The following GREB1L variants were observed in gnomAD, a reference collection of about 807,000 sequenced individuals.
GREB1L encodes the protein GREB1-like protein.
A neutral mutation model predicts 200.8 loss-of-function variants in GREB1L; 17 were observed. The observed-to-expected ratio is 0.08, with a 90% confidence interval of 0.06 to 0.13. GREB1L has a LOEUF of 0.13. GREB1L is among the 10% of genes least tolerant of loss of function. The pLI is 1.00. For missense variants in GREB1L, 1,657 were observed against 2,367.7 expected, an observed-to-expected ratio of 0.70 and a Z score of 6.23; for synonymous variants, 789 against 893.0, an observed-to-expected ratio of 0.88 and a Z score of 2.08.
At chr18:21,266,204 C>T (rs1567913506) in intron 1 of GREB1L, among the ~76,000 whole-genome samples, 1 of 152,126 alleles carries the variant, frequency 6.6e-6, no homozygotes, top group Non-Finnish European at 1.5e-5. Context: ...AGGCTGTATC[C>T]TCAGCTGGTT....
intron 7 of GREB1L, among the ~76,000 whole-genome samples, chr18:21,432,639 G>T (rs940734889): frequency 6.8e-6 from 1 of 146,828 alleles, no homozygotes; most frequent in Non-Finnish European, 1.5e-5. Flanking sequence ...ATTTGTTCAG[G>T]TGTATATTCA....
At chr18:21,392,573 G>T (rs1212933420) in intron 4 of GREB1L, among the ~76,000 whole-genome samples, 2 of 151,742 alleles carry the variant, frequency 1.3e-5, no homozygotes, top group Admixed American at 6.6e-5. Flanking sequence ...AGTTTAAATT[G>T]ACTTTTATTA....
chr18:21,469,553 A>G (rs1402221416), intron 15 of GREB1L, among the ~76,000 whole-genome samples: 6 of 152,198 alleles, frequency 3.9e-5, no homozygotes, highest in African/African-American at 1.2e-4. Context: ...GTATTGAAGA[A>G]TGGTATTTAG....
intron 27 of GREB1L, among the ~76,000 whole-genome samples, chr18:21,509,552 C>G (rs1390585424): frequency 6.6e-6 from 1 of 152,092 alleles, no homozygotes; most frequent in Non-Finnish European, 1.5e-5. Flanking sequence ...TTTTCATGTC[C>G]TTCAACTTCA....
Position 21,454,488 on chromosome 18 carries a change from A to G in GREB1L, c.2107A>G (p.Lys703Glu), listed in dbSNP as rs2034665051. 1.9e-6 allele frequency: 3 copies of G among 1,551,708 alleles called. No individual in the cohort carries two copies. Among genetic ancestry groups the G allele is most frequent in the African/African-American group, 2.7e-5 (2 of 73,174 alleles). ...SQSLDLGHFS[K>E]VDFIIIVPRS... ...GAGCCTGGACCTCGGTCACTTCAGC[A>G]AAGTAGACTTCATCATCATTGTTCC... is the stretch of plus-strand genomic sequence containing the variant. Residue 703 changes from lysine to glutamate, a missense_variant, in exon 15 of 33, where the codon AAA becomes GAA. This residue lies in a region of GREB1L where 239 missense variants were observed against 421.8 expected (regional missense o/e 0.57). Transcript: ENST00000424526.
chr18:21,347,260 C>T (rs1434868659), intron 1 of GREB1L, among the ~76,000 whole-genome samples: 1 of 149,830 alleles, frequency 6.7e-6, no homozygotes, highest in Non-Finnish European at 1.5e-5. Flanking sequence ...GCCTGAGCAA[C>T]AGAGCAAGAC....
intron 12 of GREB1L, 44 bp downstream of exon 12, chr18:21,449,880 G>A (rs911168822): frequency 6.5e-5 from 89 of 1,371,928 alleles, no homozygotes; most frequent in Non-Finnish European, 7.8e-5. Flanking sequence ...CAATTCATTC[G>A]ACCATTTTTC....
intron 4 of GREB1L, among the ~76,000 whole-genome samples, chr18:21,390,436 G>A (rs563666409): frequency 3.9e-5 from 6 of 152,294 alleles, no homozygotes; most frequent in Non-Finnish European, 8.8e-5. Context: ...ATATGGAGGT[G>A]GAAGAGTGAT....
chr18:21,260,837 G>A (rs1250866652), intron 1 of GREB1L, among the ~76,000 whole-genome samples: 2 of 151,804 alleles, frequency 1.3e-5, no homozygotes, highest in Non-Finnish European at 2.9e-5. Context: ...ATTTATCTTA[G>A]AGACTCTAAA....
chr18:21,460,922 C>T (rs1055109351), intron 15 of GREB1L, among the ~76,000 whole-genome samples: 29 of 151,510 alleles, frequency 1.9e-4, no homozygotes, highest in African/African-American at 6.1e-4. Flanking sequence ...CATAGTGAAA[C>T]CCTGTCTCTA....
chr18:21,250,632 C>G (rs1199037577), intron 1 of GREB1L, among the ~76,000 whole-genome samples: 1 of 152,134 alleles, frequency 6.6e-6, no homozygotes, highest in African/African-American at 2.4e-5. Context: ...TATAATATCT[C>G]TCTGTATTTT....
At chr18:21,282,882 G>A (rs774179715) in intron 1 of GREB1L, among the ~76,000 whole-genome samples, 3 of 152,224 alleles carry the variant, frequency 2.0e-5, no homozygotes, top group Non-Finnish European at 4.4e-5. Flanking sequence ...ACAGGCGTGA[G>A]CCACTGCACC....
At chr18:21,510,847 CTT>C (rs113424479) in intron 27 of GREB1L, among the ~76,000 whole-genome samples, 1 of 147,610 alleles carries the variant, frequency 6.8e-6, no homozygotes. Context: ...CTCACCAACA[CTT>C]TTTTTTTTTG....
chr18:21,345,760 T>C (rs2039335313), intron 1 of GREB1L, among the ~76,000 whole-genome samples: 1 of 151,224 alleles, frequency 6.6e-6, no homozygotes, highest in African/African-American at 2.4e-5. Context: ...TAATCCCAGC[T>C]ACTCAGGAAG....
chr18:21,437,905 G>A (rs1180022762), intron 7 of GREB1L, among the ~76,000 whole-genome samples: 2 of 152,200 alleles, frequency 1.3e-5, no homozygotes, highest in African/African-American at 4.8e-5. Context: ...GATATTTTAT[G>A]ATATTAAGAA....
intron 1 of GREB1L, among the ~76,000 whole-genome samples, chr18:21,273,903 A>G (rs1221190313): frequency 6.6e-6 from 1 of 152,220 alleles, no homozygotes; most frequent in African/African-American, 2.4e-5. Flanking sequence ...TGTGCATGTG[A>G]TTAAAAAAAA....
chr18:21,318,251 T>C (rs2038903068), intron 1 of GREB1L, among the ~76,000 whole-genome samples: 1 of 152,122 alleles, frequency 6.6e-6, no homozygotes. Context: ...AACAAATGTC[T>C]AGAGAATCTA....
At chr18:21,470,297 T>A (rs2035432365) in intron 15 of GREB1L, among the ~76,000 whole-genome samples, 1 of 152,124 alleles carries the variant, frequency 6.6e-6, no homozygotes, top group Non-Finnish European at 1.5e-5. Context: ...CTTTAAATTT[T>A]TTTTTAAAAA....
chr18:21,452,046 C>T, intron 13 of GREB1L, 37 bp from the exon 14 acceptor site: 4 of 1,544,630 alleles, frequency 2.6e-6, no homozygotes, highest in Non-Finnish European at 3.5e-6. Context: ...ACAAACATAT[C>T]CTTCCTTGTA....
Sources: gnomAD v4.1 joint callset for allele counts (sites outside exome capture counted in the v4.1 genomes callset) on GRCh38, gnomAD v4.1.1 for gene constraint, gnomAD v4.1.1 regional missense constraint, MANE v1.5 for transcripts, NCBI Gene and HGNC (gene_info 2026-07-23, HGNC 2026-07-21) for gene names.